Variants in LPIN2 observed in about 807,000 individuals in gnomAD.
LPIN2 encodes phosphatidate phosphatase LPIN2.
A neutral mutation model predicts 111.4 loss-of-function variants in LPIN2; 55 were observed. The ratio of observed to expected loss-of-function variants is 0.49; its 90% CI spans 0.40 to 0.62. LPIN2 has a LOEUF of 0.62. Among genes scored for constraint, LPIN2 ranks in the 20% least tolerant of loss-of-function variants. The pLI is 0.00. For missense variants in LPIN2, 992 were observed against 1,112.1 expected, an observed-to-expected ratio of 0.89 and a Z score of 1.54; for synonymous variants, 425 against 414.0, an observed-to-expected ratio of 1.03 and a Z score of -0.32.
At chr18:3,008,239 C>T (rs1003050684) in intron 1 of LPIN2, among the ~76,000 whole-genome samples, 5 of 152,118 alleles carry the variant, frequency 3.3e-5, no homozygotes, top group African/African-American at 4.8e-5. Context: ...TCCAGGAGTT[C>T]GAGACCAGCC....
At chr18:2,994,116 T>C (rs536589469) in intron 1 of LPIN2, among the ~76,000 whole-genome samples, 7 of 152,342 alleles carry the variant, frequency 4.6e-5, no homozygotes, top group African/African-American at 1.4e-4. Flanking sequence ...TGTACATAAA[T>C]GTACGCCTAT....
chr18:2,993,056 G>A (rs915304102), intron 1 of LPIN2, among the ~76,000 whole-genome samples: 12 of 151,876 alleles, frequency 7.9e-5, no homozygotes, highest in Admixed American at 4.6e-4. Flanking sequence ...GAGGTGGGAG[G>A]ATGGCTTGAG....
At position 2,917,193 on chromosome 18, in the gene LPIN2, A is replaced by G. The variant is rs1243690704; in HGVS notation, c.*3100T>C. 1 of 152,250 alleles carries G rather than the reference A, an allele frequency of 6.6e-6. No individual in the cohort carries two copies. Among genetic ancestry groups the G allele is most frequent in the East Asian group, 1.9e-4 (1 of 5,204 alleles). The allele number at this position is 152,250 out of a possible 1,614,324, so 9.4% of individuals were successfully genotyped here. ...GTCTAATAATCAAATACTTCATCAT[A>G]GGCTGAACATAATTATTAAAAGAGC... On this transcript the variant is annotated 3_prime_UTR_variant, in exon 20 of 20. Coordinates refer to ENST00000677752, the MANE Select transcript of LPIN2 (RefSeq NM_001375808.2).
intron 4 of LPIN2, among the ~76,000 whole-genome samples, chr18:2,942,774 C>T (rs2077382340): frequency 6.6e-6 from 1 of 152,326 alleles, no homozygotes; most frequent in Admixed American, 6.5e-5. Flanking sequence ...CTTTTAGGAA[C>T]TTTCAAAATG....
At chr18:2,971,004 G>A (rs1346156808) in intron 1 of LPIN2, among the ~76,000 whole-genome samples, 1 of 152,148 alleles carries the variant, frequency 6.6e-6, no homozygotes, top group Non-Finnish European at 1.5e-5. Context: ...GTATAGCAAT[G>A]CACCCTCTCT....
At chr18:2,999,977 C>T (rs1167249783) in intron 1 of LPIN2, among the ~76,000 whole-genome samples, 1 of 150,956 alleles carries the variant, frequency 6.6e-6, no homozygotes, top group Non-Finnish European at 1.5e-5. Context: ...TCACTTAAGG[C>T]TGGAAGTTCA....
intron 1 of LPIN2, among the ~76,000 whole-genome samples, chr18:2,969,336 A>G: frequency 6.6e-6 from 1 of 152,210 alleles, no homozygotes; most frequent in East Asian, 1.9e-4. Flanking sequence ...ACAGAGAAAA[A>G]GTACAGGGGA....
At chr18:2,940,105 C>A (rs1246408069) in intron 5 of LPIN2, among the ~76,000 whole-genome samples, 2 of 152,204 alleles carry the variant, frequency 1.3e-5, no homozygotes, top group Non-Finnish European at 2.9e-5. Flanking sequence ...GCGAGAGGAT[C>A]ACCTGAGGCC....
At chr18:2,977,247 T>C (rs935252800) in intron 1 of LPIN2, 1 of 151,148 alleles carries the variant, frequency 6.6e-6, no homozygotes, top group Non-Finnish European at 1.5e-5. Flanking sequence ...TAAAACTTCC[T>C]AGAGAGGAAG....
At chr18:2,927,684 T>C in intron 12 of LPIN2, 38 bp downstream of exon 12, 1 of 1,601,798 alleles carries the variant, frequency 6.2e-7, no homozygotes, top group South Asian at 1.1e-5. Flanking sequence ...GATTCATTTC[T>C]TTCAGCCCAC....
intron 1 of LPIN2, among the ~76,000 whole-genome samples, chr18:2,974,792 G>T (rs2077982802): frequency 2.6e-5 from 4 of 152,166 alleles, no homozygotes; most frequent in Non-Finnish European, 4.4e-5. Context: ...AGAAGGTGGA[G>T]AGCAGCCTGG....
At position 2,920,055 on chromosome 18, in the gene LPIN2, G is replaced by GGGAT; in HGVS notation, c.*234_*237dup. 2 of 588,816 alleles carry GGGAT rather than the reference G, an allele frequency of 3.4e-6. No individual in the cohort carries two copies. Among genetic ancestry groups the GGGAT allele is most frequent in the Non-Finnish European group, 3.0e-6 (1 of 330,126 alleles). The allele number at this position is 588,816 out of a possible 1,614,324, so 36.5% of individuals were successfully genotyped here. ...AAACATGTGTGCGACCCACAAAGGA[G>GGGAT]GGATCCCAGGCCTCCAGCCCCAGGC... On this transcript the variant is annotated 3_prime_UTR_variant, in exon 20 of 20. Transcript: ENST00000677752.
At chr18:2,932,692 C>CT (rs1237919340) in intron 8 of LPIN2, among the ~76,000 whole-genome samples, 1 of 152,242 alleles carries the variant, frequency 6.6e-6, no homozygotes, top group Non-Finnish European at 1.5e-5. Flanking sequence ...GAGCACATGA[C>CT]TGAGCCGTGA....
chr18:3,011,453 G>A (rs1184124322), intron 1 of LPIN2, among the ~76,000 whole-genome samples: 1 of 124,200 alleles, frequency 8.1e-6, no homozygotes. Flanking sequence ...GGGAGGCCGA[G>A]GGGGGCGGAT....
chr18:2,974,629 T>G (rs1431369949), intron 1 of LPIN2, among the ~76,000 whole-genome samples: 1 of 152,232 alleles, frequency 6.6e-6, no homozygotes, highest in Non-Finnish European at 1.5e-5. Flanking sequence ...TACTCATTAT[T>G]CTTCCTAATG....
chr18:2,933,743 TAAGAG>T (rs2077246069), intron 8 of LPIN2, among the ~76,000 whole-genome samples: 1 of 152,224 alleles, frequency 6.6e-6, no homozygotes, highest in Non-Finnish European at 1.5e-5. Flanking sequence ...AGAATTCCCC[TAAGAG>T]TAGAAATGAA....
chr18:2,940,977 T>C (rs2077360151), intron 4 of LPIN2, among the ~76,000 whole-genome samples: 1 of 152,116 alleles, frequency 6.6e-6, no homozygotes, highest in African/African-American at 2.4e-5. Context: ...TAAGGGTGAT[T>C]CAAAGGCTAA....
Position 3,000,033 on chromosome 18 carries a change from T to TTG in LPIN2, c.-10+13053_-10+13054insCA, listed in dbSNP as rs531343673. On this transcript the variant is annotated intron_variant, in intron 1 of 19. Coordinates refer to ENST00000677752, the MANE Select transcript of LPIN2 (RefSeq NM_001375808.2). The stretch of plus-strand genomic sequence containing the variant: ...AGTGAGACCCTATCTCTGTTTTGTT[T>TTG]TTTTTTTTCTTTTAAAAAGAAGAAG... Among the ~76,000 whole-genome samples the TTG allele has an allele frequency of 1.7e-4, 26 of 148,808 alleles. 1 individual carries two copies. The highest frequency in any genetic ancestry group is 3.0e-4 in the Non-Finnish European group (20 of 67,094).
rs897503366 is a variant in LPIN2 at position 2,920,055 on chromosome 18, G to A, written c.*238C>T. 1.7e-5 allele frequency: 10 copies of A among 588,698 alleles called. No individual in the cohort carries two copies. Among genetic ancestry groups the A allele is most frequent in the Non-Finnish European group, 2.4e-5 (8 of 330,134 alleles). The allele number at this position is 588,698 out of a possible 1,614,324, so 36.5% of individuals were successfully genotyped here. A position where few individuals can be genotyped will look rare whatever the true frequency, so the allele number is the denominator to read the frequency against. ...AAACATGTGTGCGACCCACAAAGGA[G>A]GGATCCCAGGCCTCCAGCCCCAGGC... On this transcript the variant is annotated 3_prime_UTR_variant, in exon 20 of 20. Coordinates refer to ENST00000677752, the MANE Select transcript of LPIN2 (RefSeq NM_001375808.2).
Sources: allele counts gnomAD v4.1 joint callset (sites outside exome capture counted in the v4.1 genomes callset), GRCh38; gene constraint gnomAD v4.1.1; transcripts MANE v1.5; gene names NCBI Gene and HGNC (gene_info 2026-07-23, HGNC 2026-07-21).